The following ALG8 variants were observed in gnomAD, a reference collection of about 807,000 sequenced individuals.
ALG8 encodes dolichyl pyrophosphate Glc1Man9GlcNAc2 alpha-1,3-glucosyltransferase.
In ALG8, 48 loss-of-function variants were observed where a neutral mutation model predicts 70.2. That is an observed-to-expected ratio of 0.68 (90% CI 0.54 to 0.87). The LOEUF (loss-of-function observed/expected upper bound fraction) is 0.87. Ranked by LOEUF, ALG8 falls within the 40% of genes least tolerant of loss-of-function variation. ALG8 has a pLI of 0.00. For synonymous variants in ALG8, 234 were observed against 229.0 expected (o/e 1.02, Z -0.20); for missense variants, 572 against 608.7 (o/e 0.94, Z 0.64).
intron 4 of ALG8, 57 bp from the exon 5 acceptor site, chr11:78,119,306 C>T: frequency 8.0e-7 from 1 of 1,247,940 alleles, no homozygotes. Context: ...TGAACTATAC[C>T]AGCTGATGGA....
At chr11:78,118,324 G>A (rs1860670475) in intron 5 of ALG8, among the ~76,000 whole-genome samples, 2 of 151,966 alleles carry the variant, frequency 1.3e-5, no homozygotes, top group African/African-American at 4.8e-5. Context: ...CAGACAAAAT[G>A]TAATTTCGGG....
chr11:78,101,066 T>A lies in ALG8; in HGVS notation c.1479A>T (p.Leu493Phe), dbSNP rs755133368. The A allele has an allele frequency of 3.7e-6, 6 of 1,614,132 alleles. No homozygotes were observed. In the Middle Eastern group the frequency reaches 4.9e-4, roughly 133 times the overall value. ...CTACTGCACAATACACTGAGGTTAG[T>A]AACAAAGGGATGAAGGGGTACTTCA... ...WKVKYPFIPLLLTSVYCAVGI... is the reference protein window; with the variant it reads ...WKVKYPFIPLFLTSVYCAVGI... Residue 493 changes from leucine (L) to phenylalanine (F), a missense_variant, in exon 13 of 13, where the codon TTA becomes TTT. Leu to Phe is a conservative substitution (Grantham distance 22). Coordinates refer to ENST00000299626, the MANE Select transcript of ALG8 (RefSeq NM_024079.5).
intron 10 of ALG8, among the ~76,000 whole-genome samples, chr11:78,105,232 G>C (rs1339092114): frequency 6.6e-6 from 1 of 152,118 alleles, no homozygotes; most frequent in Non-Finnish European, 1.5e-5. Context: ...CCACATACTG[G>C]CCTGACAAAT....
chr11:78,111,645 T>G (rs559378665), intron 8 of ALG8, among the ~76,000 whole-genome samples: 3 of 148,186 alleles, frequency 2.0e-5, no homozygotes, highest in Non-Finnish European at 3.0e-5. Context: ...CAGACACACA[T>G]ACACACACAC....
chr11:78,115,495 G>A (rs1220878506), intron 5 of ALG8, among the ~76,000 whole-genome samples: 2 of 151,906 alleles, frequency 1.3e-5, no homozygotes, highest in Non-Finnish European at 2.9e-5. Context: ...TAATTCTCCT[G>A]CCTCAGCCTC....
intron 5 of ALG8, among the ~76,000 whole-genome samples, chr11:78,116,260 C>T (rs982952498): frequency 6.6e-6 from 1 of 152,074 alleles, no homozygotes; most frequent in African/African-American, 2.4e-5. Flanking sequence ...ACTTGGGAGG[C>T]TGAGACACGA....
intron 3 of ALG8, among the ~76,000 whole-genome samples, chr11:78,122,955 G>A (rs997554662): frequency 1.3e-5 from 2 of 152,114 alleles, no homozygotes; most frequent in Non-Finnish European, 2.9e-5. Flanking sequence ...TTATGACAAG[G>A]GTCACTGAAT....
chr11:78,101,386 T>C (rs1859790412), intron 12 of ALG8, among the ~76,000 whole-genome samples, 191 bp from the exon 13 acceptor site: 1 of 152,182 alleles, frequency 6.6e-6, no homozygotes, highest in Non-Finnish European at 1.5e-5. Context: ...CCCAGCACTT[T>C]GGGAGGCCAA....
At chr11:78,127,639 T>C (rs1336576799) in intron 1 of ALG8, among the ~76,000 whole-genome samples, 4 of 151,982 alleles carry the variant, frequency 2.6e-5, no homozygotes, top group Non-Finnish European at 5.9e-5. Context: ...TTGAGCAATC[T>C]ACAAGTCAGT....
intron 12 of ALG8, chr11:78,103,438 T>C (rs1859884372): frequency 6.6e-6 from 1 of 152,558 alleles, no homozygotes; most frequent in African/African-American, 2.4e-5. Context: ...CACTCCAGCC[T>C]GGGCGACAAG....
At chr11:78,109,604 T>G in intron 8 of ALG8, 23 bp from the exon 9 acceptor site, 1 of 1,603,862 alleles carries the variant, frequency 6.2e-7, no homozygotes. Context: ...TATTTTGTTT[T>G]GTTTTATTTT....
chr11:78,127,042 C>G (rs1053140237), intron 2 of ALG8, among the ~76,000 whole-genome samples: 1 of 151,744 alleles, frequency 6.6e-6, no homozygotes. Flanking sequence ...TGCAGTGGCG[C>G]GATCTCGGCT....
At position 78,139,523 on chromosome 11, in the gene ALG8, A is replaced by C; in HGVS notation, c.66T>G (p.Thr22=). 6.4e-7 allele frequency: 1 copy of C among 1,562,866 alleles called. No homozygotes were observed. Among genetic ancestry groups the C allele is most frequent in the South Asian group, 1.2e-5 (1 of 84,840 alleles). ...TGGGGATGAGAAGGCATTTGAGAAG[A>C]GTCACCCCGAGCGCCAAAGCCGAAA... The part of the protein sequence containing the change: ...NWFSALALGV[T]LLKCLLIPTY... Residue 22 remains threonine, a synonymous_variant, in exon 1 of 13, where the codon ACT becomes ACG. Transcript: ENST00000299626.
Position 78,113,929 on chromosome 11 carries a change from A to T in ALG8, c.734T>A (p.Val245Asp). 1 of 1,608,330 alleles carries T rather than the reference A, an allele frequency of 6.2e-7. No homozygotes were observed. Among genetic ancestry groups the T allele is most frequent in the Non-Finnish European group, 8.5e-7 (1 of 1,177,464 alleles). ...FVRVISLGLV[V>D]FLVSALSLGP... ...CAATGAAAGAGCAGAAACTAAGAAAACAACCAGTCCCAGGGAAATAACACG... is the reference window on the plus strand; with the variant it reads ...CAATGAAAGAGCAGAAACTAAGAAATCAACCAGTCCCAGGGAAATAACACG... Residue 245 changes from valine (V) to aspartate (D), a missense_variant, in exon 7 of 13, where the codon GTT (valine) becomes GAT (aspartate). Transcript: ENST00000299626.
intron 11 of ALG8, 42 bp downstream of exon 11, chr11:78,104,314 T>C: frequency 6.6e-7 from 1 of 1,505,982 alleles, no homozygotes; most frequent in Admixed American, 2.2e-5. Context: ...GATGAAAAGG[T>C]TGTGATAGTC....
intron 1 of ALG8, among the ~76,000 whole-genome samples, chr11:78,128,939 T>C (rs931514159): frequency 7.2e-5 from 11 of 151,814 alleles, no homozygotes; most frequent in African/African-American, 2.2e-4. Context: ...ATATGCAACA[T>C]TGGCTTCTTT....
chr11:78,127,296 A>C, intron 2 of ALG8, 62 bp downstream of exon 2: 2 of 1,419,948 alleles, frequency 1.4e-6, no homozygotes, highest in Non-Finnish European at 2.0e-6. Context: ...TTTTAATATC[A>C]GTAATATTTA....
At chr11:78,104,820 T>C (rs662823) in intron 10 of ALG8, among the ~76,000 whole-genome samples, 33,313 of 151,864 alleles carry the variant, frequency 0.22, 4,496 homozygotes, top group African/African-American at 0.38. Context: ...AAAAATTAGC[T>C]GGGCATGGTG....
In ALG8 at chr11:78,113,904, C is replaced by A; in HGVS notation, c.759G>T (p.Leu253Phe). 1 of 1,576,922 alleles carries A rather than the reference C, an allele frequency of 6.3e-7. No homozygotes were observed. The highest frequency in any genetic ancestry group is 2.3e-5 in the East Asian group (1 of 42,714). ...GGCTTACCAAGGCCAGGAAAGGACCCAATGAAAGAGCAGAAACTAAGAAAA... is the reference window on the plus strand; with the variant it reads ...GGCTTACCAAGGCCAGGAAAGGACCAAATGAAAGAGCAGAAACTAAGAAAA... ...LVVFLVSALS[L>F]GPFLALNQLP... Residue 253 changes from leucine to phenylalanine, a missense_variant, in exon 7 of 13, where the codon TTG (leucine) becomes TTT (phenylalanine). Physicochemically the swap from Leu to Phe is conservative, Grantham distance 22. Transcript: ENST00000299626.
Sources: allele counts gnomAD v4.1 joint callset (sites outside exome capture counted in the v4.1 genomes callset), GRCh38; gene constraint gnomAD v4.1.1; transcripts MANE v1.5; gene names NCBI Gene and HGNC (gene_info 2026-07-23, HGNC 2026-07-21).